CLVS1: variants seen among roughly 807,000 people sequenced by gnomAD.
CLVS1 encodes the protein clavesin 1, also known as clavesin-1.
CLVS1 carries 10 observed loss-of-function variants against 33.1 expected under a neutral mutation model. The ratio of observed to expected loss-of-function variants is 0.30; its 90% CI spans 0.19 to 0.51. The LOEUF (loss-of-function observed/expected upper bound fraction) is 0.51, where lower values mean the gene tolerates loss of function less well. Among genes scored for constraint, CLVS1 ranks in the 20% least tolerant of loss-of-function variants. The pLI is 0.97. For missense variants in CLVS1, 343 were observed against 433.4 expected (o/e 0.79, Z 1.85); for synonymous variants, 163 against 166.1 (o/e 0.98, Z 0.14).
At chr8:61,302,375 T>C (rs921572083) in intron 2 of CLVS1, among the ~76,000 whole-genome samples, 2 of 152,228 alleles carry the variant, frequency 1.3e-5, no homozygotes, top group African/African-American at 4.8e-5. Flanking sequence ...TTAGGTCTTA[T>C]GATTCATTCA....
At chr8:61,495,648 G>T (rs147533771) in intron 5 of CLVS1, among the ~76,000 whole-genome samples, 3 of 152,286 alleles carry the variant, frequency 2.0e-5, no homozygotes, top group Admixed American at 6.5e-5. Flanking sequence ...AGATGGGAGA[G>T]AAATTGTTAA....
At chr8:61,111,043 G>A (rs958902965) in intron 1 of CLVS1, among the ~76,000 whole-genome samples, 3 of 152,070 alleles carry the variant, frequency 2.0e-5, no homozygotes, top group Admixed American at 2.0e-4. Context: ...CATTTTTTGT[G>A]TATATACCCA....
At chr8:61,205,558 T>C (rs1211217442) in intron 2 of CLVS1, among the ~76,000 whole-genome samples, 2 of 152,258 alleles carry the variant, frequency 1.3e-5, no homozygotes, top group African/African-American at 4.8e-5. Context: ...AATGCTGCTA[T>C]GAACATGATG....
the CLVS1 span, among the ~76,000 whole-genome samples, chr8:61,050,597 C>T: frequency 2.0e-5 from 3 of 152,144 alleles, no homozygotes; most frequent in Non-Finnish European, 4.4e-5. Context: ...ACGTATCAGG[C>T]AGTCTCCATG....
At chr8:61,200,532 T>C (rs935492305) in intron 2 of CLVS1, among the ~76,000 whole-genome samples, 8 of 152,252 alleles carry the variant, frequency 5.3e-5, no homozygotes, top group Non-Finnish European at 8.8e-5. Context: ...AAATGTTTTA[T>C]TAATATAAAA....
chr8:61,394,527 G>A (rs758447253), intron 3 of CLVS1, among the ~76,000 whole-genome samples: 15 of 152,084 alleles, frequency 9.9e-5, no homozygotes, highest in Non-Finnish European at 1.9e-4. Context: ...GGGGATTGGC[G>A]GGGGTTCTCA....
At chr8:61,230,232 T>C (rs978486089) in intron 2 of CLVS1, among the ~76,000 whole-genome samples, 11 of 152,200 alleles carry the variant, frequency 7.2e-5, no homozygotes, top group Non-Finnish European at 1.2e-4. Flanking sequence ...GTTTCTACTT[T>C]TCTTTGTGAG....
chr8:61,306,252 C>T (rs1469204972), intron 2 of CLVS1, among the ~76,000 whole-genome samples: 1 of 152,186 alleles, frequency 6.6e-6, no homozygotes, highest in Non-Finnish European at 1.5e-5. Context: ...GATGGTACCT[C>T]ACTGTGGTTT....
intron 2 of CLVS1, among the ~76,000 whole-genome samples, chr8:61,223,485 T>C (rs1808265638): frequency 6.6e-6 from 1 of 152,182 alleles, no homozygotes; most frequent in African/African-American, 2.4e-5. Context: ...TTATTTTCTT[T>C]AAGAATGTCG....
At chr8:60,997,575 C>T in the CLVS1 span, among the ~76,000 whole-genome samples, 1 of 152,204 alleles carries the variant, frequency 6.6e-6, no homozygotes, top group Non-Finnish European at 1.5e-5. Flanking sequence ...GGGAGGGTGG[C>T]TGACCACAAG....
chr8:61,249,267 C>T (rs1048907539), intron 2 of CLVS1, among the ~76,000 whole-genome samples: 12 of 152,228 alleles, frequency 7.9e-5, no homozygotes, highest in East Asian at 1.9e-4. Flanking sequence ...TTATTATGGC[C>T]GTATAGTATT....
At chr8:61,220,867 G>A (rs1049600196) in intron 2 of CLVS1, among the ~76,000 whole-genome samples, 2 of 152,056 alleles carry the variant, frequency 1.3e-5, no homozygotes, top group African/African-American at 2.4e-5. Flanking sequence ...CCTTGAAGAA[G>A]TTATTCACGT....
At chr8:61,373,865 A>G (rs1288774116) in intron 2 of CLVS1, among the ~76,000 whole-genome samples, 1 of 152,212 alleles carries the variant, frequency 6.6e-6, no homozygotes. Flanking sequence ...GCTGGGTTCA[A>G]CTAGGTAGCA....
At chr8:61,384,009 G>A (rs1381042381) in intron 3 of CLVS1, among the ~76,000 whole-genome samples, 1 of 152,210 alleles carries the variant, frequency 6.6e-6, no homozygotes, top group Non-Finnish European at 1.5e-5. Context: ...AATCCCAGAG[G>A]AGGAATCCAA....
chr8:61,232,025 T>TTGTTTG (rs969751955), intron 2 of CLVS1, among the ~76,000 whole-genome samples: 1 of 105,652 alleles, frequency 9.5e-6, no homozygotes, highest in African/African-American at 3.9e-5. Flanking sequence ...AAGTTGTGGT[T>TTGTTTG]TTTTTTTTTT....
the CLVS1 span, among the ~76,000 whole-genome samples, chr8:60,971,875 A>G: frequency 6.6e-6 from 1 of 151,696 alleles, no homozygotes; most frequent in Non-Finnish European, 1.5e-5. Context: ...TCTTTAAGAT[A>G]CCCCAGGCTG....
At chr8:61,231,096 T>G (rs1808423602) in intron 2 of CLVS1, among the ~76,000 whole-genome samples, 2 of 152,130 alleles carry the variant, frequency 1.3e-5, no homozygotes, top group Admixed American at 1.3e-4. Flanking sequence ...TATGCAAAAC[T>G]GGACAATGTT....
At chr8:61,181,406 C>T (rs1807225324) in intron 2 of CLVS1, among the ~76,000 whole-genome samples, 1 of 152,140 alleles carries the variant, frequency 6.6e-6, no homozygotes, top group Non-Finnish European at 1.5e-5. Flanking sequence ...GCCATATTGT[C>T]CAAAGTAATT....
chr8:61,331,889 T>G (rs963975830), intron 2 of CLVS1, among the ~76,000 whole-genome samples: 2 of 151,812 alleles, frequency 1.3e-5, no homozygotes, highest in Admixed American at 1.3e-4. Flanking sequence ...TTGTTTGTTC[T>G]CCCTAGGTTG....
Sources: allele counts gnomAD v4.1 joint callset (sites outside exome capture counted in the v4.1 genomes callset), GRCh38; gene constraint gnomAD v4.1.1; transcripts MANE v1.5; gene names NCBI Gene and HGNC (gene_info 2026-07-23, HGNC 2026-07-21).